CHL1: variants seen among roughly 807,000 people sequenced by gnomAD.
CHL1 encodes the protein cell adhesion molecule L1 like.
Under a neutral mutation model 141.9 loss-of-function variants are expected in CHL1, and 96 were observed. That is an observed-to-expected ratio of 0.68 (90% CI 0.57 to 0.80). The LOEUF is 0.80. Among genes scored for constraint, CHL1 ranks in the 30% least tolerant of loss-of-function variants. The pLI is 0.00. For synonymous variants in CHL1, 613 were observed against 502.2 expected (o/e 1.22, Z -2.95); for missense variants, 1,820 against 1,457.2 (o/e 1.25, Z -4.05).
chr3:242,890 G>A (rs1443628863), intron 1 of CHL1, among the ~76,000 whole-genome samples: 2 of 152,168 alleles, frequency 1.3e-5, no homozygotes, highest in African/African-American at 2.4e-5. Flanking sequence ...AAAATCCTAA[G>A]TGAGAGTGGG....
chr3:277,204 A>T lies in CHL1; in HGVS notation c.-95+32512A>T, dbSNP rs551591503. On this transcript the variant is annotated intron_variant, in intron 2 of 27. Coordinates refer to ENST00000256509, the MANE Select transcript of CHL1 (RefSeq NM_006614.4). ...AAGTAAATGCTTATAGATTTTTTTT[A>T]AAAAATTATGCATCTGCTTGAAAAC... Among the ~76,000 whole-genome samples, 38 of 152,214 alleles carry T rather than the reference A, an allele frequency of 2.5e-4. 1 individual carries two copies. Among genetic ancestry groups the T allele is most frequent in the South Asian group, 2.3e-3 (11 of 4,834 alleles).
At chr3:392,306 T>C (rs1021042240) in intron 23 of CHL1, among the ~76,000 whole-genome samples, 4 of 152,226 alleles carry the variant, frequency 2.6e-5, no homozygotes, top group African/African-American at 7.2e-5. Context: ...CTGCCTCAGA[T>C]ATATGCTCCC....
chr3:217,960 G>A (rs1437870788), intron 1 of CHL1, among the ~76,000 whole-genome samples: 1 of 152,256 alleles, frequency 6.6e-6, no homozygotes, highest in South Asian at 2.1e-4. Flanking sequence ...ATGTGATAAA[G>A]GGGATTTTAT....
At chr3:377,656 C>G (rs547066135) in intron 15 of CHL1, among the ~76,000 whole-genome samples, 162 bp from the exon 16 acceptor site, 78 of 152,254 alleles carry the variant, frequency 5.1e-4, no homozygotes, top group Admixed American at 3.8e-3. Context: ...TTCTTTATCT[C>G]CAGGTTTCAA....
At chr3:217,084 G>T (rs1407900836) in intron 1 of CHL1, among the ~76,000 whole-genome samples, 1 of 152,054 alleles carries the variant, frequency 6.6e-6, no homozygotes, top group African/African-American at 2.4e-5. Flanking sequence ...CCACCCTTTG[G>T]TCCTGTGTGC....
intron 1 of CHL1, among the ~76,000 whole-genome samples, chr3:240,251 C>A (rs1025954236): frequency 1.3e-4 from 20 of 152,162 alleles, no homozygotes; most frequent in African/African-American, 4.6e-4. Flanking sequence ...TCCACACCAA[C>A]ATCCACTATT....
chr3:273,357 G>A (rs1695806920), intron 2 of CHL1, among the ~76,000 whole-genome samples: 1 of 152,174 alleles, frequency 6.6e-6, no homozygotes, highest in South Asian at 2.1e-4. Context: ...CCTTACCCAA[G>A]AACCTGAATC....
chr3:237,442 G>C (rs960940201), intron 1 of CHL1, among the ~76,000 whole-genome samples: 4 of 152,168 alleles, frequency 2.6e-5, no homozygotes, highest in African/African-American at 9.7e-5. Context: ...TGTGAAAACA[G>C]GCTAAAATAC....
At chr3:286,117 A>G (rs1697115273) in intron 2 of CHL1, among the ~76,000 whole-genome samples, 1 of 152,150 alleles carries the variant, frequency 6.6e-6, no homozygotes, top group Non-Finnish European at 1.5e-5. Context: ...TAGGCTCCAT[A>G]GCCTCCTGTG....
Position 382,458 on chromosome 3 carries a change from C to CTGTT in CHL1, c.1979-14_1979-11dup. On this transcript the variant is annotated splice_polypyrimidine_tract_variant and intron_variant, in intron 17 of 27. Coordinates refer to ENST00000256509, the MANE Select transcript of CHL1 (RefSeq NM_006614.4). ...CTCCATACATTCTAATATTTTTTCC[C>CTGTT]TGTTTATACTACCAGAGTATATTGT... 6 of 1,603,196 alleles carry CTGTT rather than the reference C, an allele frequency of 3.7e-6. No individual in the cohort carries two copies. Among genetic ancestry groups the CTGTT allele is most frequent in the Non-Finnish European group, 5.1e-6 (6 of 1,170,850 alleles).
intron 1 of CHL1, among the ~76,000 whole-genome samples, chr3:208,066 T>C (rs1294062189): frequency 1.3e-5 from 2 of 152,146 alleles, no homozygotes; most frequent in African/African-American, 2.4e-5. Flanking sequence ...GGATCAGAAA[T>C]TGATCTCCAT....
chr3:253,217 G>A (rs977508275), intron 2 of CHL1, among the ~76,000 whole-genome samples: 9 of 152,006 alleles, frequency 5.9e-5, no homozygotes, highest in Non-Finnish European at 1.3e-4. Flanking sequence ...GATTAACAAT[G>A]CTTTTATTGC....
intron 2 of CHL1, among the ~76,000 whole-genome samples, chr3:284,566 A>G (rs956657712): frequency 6.6e-6 from 1 of 152,242 alleles, no homozygotes; most frequent in East Asian, 1.9e-4. Context: ...CTGGTAAGAC[A>G]TTGAAAAGCA....
In CHL1 at chr3:383,866, G is replaced by A; in HGVS notation, c.2227G>A (p.Glu743Lys). 5 of 1,609,474 alleles carry A rather than the reference G, an allele frequency of 3.1e-6. No homozygotes were observed. The highest frequency in any genetic ancestry group is 4.2e-6 in the Non-Finnish European group (5 of 1,177,070). Residue 743 changes from glutamate to lysine, a missense_variant, in exon 19 of 28, where the codon GAA becomes AAA. Transcript: ENST00000256509. ...NIRVQASQPK[E>K]MIIKWEPLKS... ...AAGGGTTCAAGCCTCTCAACCCAAG[G>A]AAATGATTATAAAGTGGGAGGTGTG...
intron 10 of CHL1, among the ~76,000 whole-genome samples, chr3:350,119 CTG>C (rs1703118165): frequency 6.6e-6 from 1 of 152,138 alleles, no homozygotes. Context: ...AAAGAATAGA[CTG>C]TATGCTATAA....
At position 341,945 on chromosome 3, in the gene CHL1, A is replaced by C. The variant is rs768780234; in HGVS notation, c.542A>C (p.Tyr181Ser). Residue 181 changes from tyrosine (Y) to serine (S), a missense_variant, in exon 7 of 28, where the codon TAC becomes TCC. Coordinates refer to ENST00000256509, the MANE Select transcript of CHL1 (RefSeq NM_006614.4). ...CACATCGAACAAGATGAAAGAGTAT[A>C]CATGAGCCAAAAGGGAGATCTATAC... ...LEHIEQDERV[Y>S]MSQKGDLYFA... 6 of 1,612,808 alleles carry C rather than the reference A, an allele frequency of 3.7e-6. No homozygotes were observed. In the Admixed American group the frequency reaches 1.0e-4, roughly 27 times the overall value.
intron 3 of CHL1, among the ~76,000 whole-genome samples, chr3:322,564 T>G (rs1382577088): frequency 6.7e-6 from 1 of 148,926 alleles, no homozygotes; most frequent in African/African-American, 2.5e-5. Context: ...TTGCGGCACT[T>G]TGGGAGGCTT....
chr3:395,710 T>A (rs1166886924), intron 24 of CHL1, among the ~76,000 whole-genome samples: 4 of 152,244 alleles, frequency 2.6e-5, no homozygotes, highest in Non-Finnish European at 4.4e-5. Context: ...GGTGCAAAAG[T>A]AATTGTGGCC....
intron 16 of CHL1, among the ~76,000 whole-genome samples, 194 bp downstream of exon 16, chr3:378,136 AT>A (rs901495776): frequency 7.2e-5 from 11 of 152,026 alleles, no homozygotes; most frequent in South Asian, 2.1e-4. Flanking sequence ...TTAATGCTTA[AT>A]TTTTTTTCCC....
Sources: gnomAD v4.1 joint callset for allele counts (sites outside exome capture counted in the v4.1 genomes callset) on GRCh38, gnomAD v4.1.1 for gene constraint, MANE v1.5 for transcripts, NCBI Gene and HGNC (gene_info 2026-07-23, HGNC 2026-07-21) for gene names.